CCBE1: variants seen among roughly 807,000 people sequenced by gnomAD.
CCBE1 encodes collagen and calcium-binding EGF domain-containing protein 1.
A neutral mutation model predicts 50.0 loss-of-function variants in CCBE1; 37 were observed. That is an observed-to-expected ratio of 0.74 (90% confidence interval 0.57 to 0.97). CCBE1 has a LOEUF of 0.97. Among genes scored for constraint, CCBE1 ranks in the 50% least tolerant of loss-of-function variants. CCBE1 has a pLI of 0.00. For missense variants in CCBE1, 538 were observed against 523.8 expected, an observed-to-expected ratio of 1.03 and a Z score of -0.26; for synonymous variants, 234 against 203.7, an observed-to-expected ratio of 1.15 and a Z score of -1.27.
At chr18:59,436,388 TAGAGG>T (rs1044312081) in intron 10 of CCBE1, among the ~76,000 whole-genome samples, 1 of 152,100 alleles carries the variant, frequency 6.6e-6, no homozygotes, top group Non-Finnish European at 1.5e-5. Context: ...TCAAATCCAG[TAGAGG>T]AAAGGATATA....
At chr18:59,437,647 G>T (rs1411564911) in intron 10 of CCBE1, among the ~76,000 whole-genome samples, 1 of 151,948 alleles carries the variant, frequency 6.6e-6, no homozygotes, top group Non-Finnish European at 1.5e-5. Context: ...CTTATATGCA[G>T]CTAATTTCTT....
chr18:59,697,446 G>T, upstream of CCBE1: 1 of 1,438,896 alleles, frequency 6.9e-7, no homozygotes, highest in Non-Finnish European at 9.2e-7. Flanking sequence ...AGGGGGCGCC[G>T]GAGAGCAGGG....
At chr18:59,605,828 G>A (rs2053490411) in intron 2 of CCBE1, among the ~76,000 whole-genome samples, 1 of 152,188 alleles carries the variant, frequency 6.6e-6, no homozygotes, top group Non-Finnish European at 1.5e-5. Context: ...GTGGACGACT[G>A]CTAGGGGTGG....
At chr18:59,641,476 C>T (rs1864310) in intron 2 of CCBE1, among the ~76,000 whole-genome samples, 3 of 151,790 alleles carry the variant, frequency 2.0e-5, no homozygotes, top group South Asian at 2.1e-4. Flanking sequence ...GGGTGAGGAC[C>T]GAAACACTAC....
chr18:59,510,670 C>T (rs1372283152), intron 2 of CCBE1, among the ~76,000 whole-genome samples: 5 of 152,180 alleles, frequency 3.3e-5, no homozygotes, highest in African/African-American at 1.2e-4. Flanking sequence ...GATCCACCTG[C>T]CTCGGCCTCC....
chr18:59,636,227 A>G (rs9955177), intron 2 of CCBE1, among the ~76,000 whole-genome samples: 5,181 of 152,234 alleles, frequency 0.034, 297 homozygotes, highest in African/African-American at 0.12. Context: ...GACACAGAAG[A>G]GAGGGGTGGA....
chr18:59,503,351 CA>C (rs1913717131), intron 2 of CCBE1, among the ~76,000 whole-genome samples: 1 of 132,356 alleles, frequency 7.6e-6, no homozygotes, highest in South Asian at 2.3e-4. Context: ...ACTGTGGTAT[CA>C]CAGAGGGCAT....
intron 2 of CCBE1, among the ~76,000 whole-genome samples, chr18:59,604,371 C>T (rs1445933059): frequency 1.3e-5 from 2 of 152,178 alleles, no homozygotes; most frequent in Non-Finnish European, 2.9e-5. Flanking sequence ...AACCATTAGG[C>T]TGCATCATCT....
At chr18:59,495,362 G>A (rs1016289252) in intron 2 of CCBE1, among the ~76,000 whole-genome samples, 1 of 151,814 alleles carries the variant, frequency 6.6e-6, no homozygotes, top group African/African-American at 2.4e-5. Flanking sequence ...TCTTGAGCAA[G>A]GGGAGACCTT....
chr18:59,536,502 G>A (rs1489770182), intron 2 of CCBE1, among the ~76,000 whole-genome samples: 2 of 152,208 alleles, frequency 1.3e-5, no homozygotes, highest in African/African-American at 2.4e-5. Context: ...TTCAAAGGAA[G>A]AGAAGGTTGT....
chr18:59,661,579 C>T (rs1161478741), intron 2 of CCBE1, among the ~76,000 whole-genome samples: 2 of 152,134 alleles, frequency 1.3e-5, no homozygotes, highest in African/African-American at 4.8e-5. Context: ...GGAAACACAG[C>T]GTGAGGTTCC....
chr18:59,680,629 C>A (rs530196024), intron 2 of CCBE1, among the ~76,000 whole-genome samples: 1 of 150,770 alleles, frequency 6.6e-6, no homozygotes, highest in Admixed American at 6.6e-5. Flanking sequence ...ACCCGGGAGG[C>A]GGAGGTTGCA....
chr18:59,533,664 G>A (rs1051301404), intron 2 of CCBE1, among the ~76,000 whole-genome samples: 1 of 152,260 alleles, frequency 6.6e-6, no homozygotes, highest in East Asian at 1.9e-4. Flanking sequence ...CAAGACCTGT[G>A]TAAGTATCAT....
intron 2 of CCBE1, among the ~76,000 whole-genome samples, chr18:59,516,499 G>A (rs753840819): frequency 2.0e-5 from 3 of 152,174 alleles, no homozygotes; most frequent in Non-Finnish European, 4.4e-5. Context: ...ACAGGACCTC[G>A]TGGATGGACG....
At chr18:59,507,742 CCTT>C (rs1598962380) in intron 2 of CCBE1, among the ~76,000 whole-genome samples, 1 of 152,190 alleles carries the variant, frequency 6.6e-6, no homozygotes, top group Non-Finnish European at 1.5e-5. Context: ...AAAAATCTCA[CCTT>C]CTAACAATAT....
At chr18:59,551,229 A>G (rs2851853) in intron 2 of CCBE1, among the ~76,000 whole-genome samples, 99,565 of 151,304 alleles carry the variant, frequency 0.66, 32,907 homozygotes, top group East Asian at 0.79. Flanking sequence ...AACCTGTACA[A>G]CACGTGATAA....
intron 2 of CCBE1, among the ~76,000 whole-genome samples, chr18:59,675,937 C>CAAAT (rs2054495542): frequency 6.6e-6 from 1 of 152,148 alleles, no homozygotes. Flanking sequence ...TTGGTTAGGA[C>CAAAT]AAATAAAGGA....
At chr18:59,505,847 C>A (rs1913847794) in intron 2 of CCBE1, among the ~76,000 whole-genome samples, 1 of 152,170 alleles carries the variant, frequency 6.6e-6, no homozygotes, top group African/African-American at 2.4e-5. Flanking sequence ...GGATGTTCAC[C>A]AGTCAGAATC....
chr18:59,583,163 A>T (rs572314107), intron 2 of CCBE1, among the ~76,000 whole-genome samples: 1 of 152,330 alleles, frequency 6.6e-6, no homozygotes, highest in East Asian at 1.9e-4. Context: ...TGTTGGATTC[A>T]TCACCTGAAC....
Sources: allele counts gnomAD v4.1 joint callset (sites outside exome capture counted in the v4.1 genomes callset), GRCh38; gene constraint gnomAD v4.1.1; transcripts MANE v1.5; gene names NCBI Gene and HGNC (gene_info 2026-07-23, HGNC 2026-07-21).